THOP1: variants seen among roughly 807,000 people sequenced by gnomAD.
THOP1 encodes the protein thimet oligopeptidase.
A neutral mutation model predicts 71.8 loss-of-function variants in THOP1; 49 were observed. That is an observed-to-expected ratio of 0.68 (90% CI 0.54 to 0.87). The LOEUF is 0.87. Ranked by LOEUF, THOP1 falls within the 40% of genes least tolerant of loss-of-function variation. The pLI is 0.00. For synonymous variants in THOP1, 426 were observed against 421.5 expected, an observed-to-expected ratio of 1.01 and a Z score of -0.13; for missense variants, 843 against 975.6, an observed-to-expected ratio of 0.86 and a Z score of 1.81.
In THOP1 at chr19:2,812,588, C is replaced by T. The variant is rs539533511; in HGVS notation, c.1909-527C>T. On this transcript the variant is annotated intron_variant, in intron 12 of 12. Coordinates refer to ENST00000307741, the MANE Select transcript of THOP1 (RefSeq NM_003249.5). Reference sequence around the variant, plus strand: ...CGGGGGCTGTAGAGGTGGAGTCCCCCGGGTGGGAGCTGGGACTGTGGCTCC... The same window carrying T: ...CGGGGGCTGTAGAGGTGGAGTCCCCTGGGTGGGAGCTGGGACTGTGGCTCC... 1.2e-4 allele frequency among the ~76,000 whole-genome samples: 19 copies of T among 152,282 alleles called. No homozygotes were observed. In the South Asian group the frequency reaches 2.5e-3, roughly 20 times the overall value.
At position 2,813,172 on chromosome 19, in the gene THOP1, G is replaced by A. The variant is rs764085394; in HGVS notation, c.1966G>A (p.Ala656Thr). 1.3e-5 allele frequency: 21 copies of A among 1,612,144 alleles called. No homozygotes were observed. The highest frequency in any genetic ancestry group is 1.6e-4 in the Middle Eastern group (1 of 6,076). The change falls in exon 13 of 13, where the codon GCC becomes ACC. Residue 656 changes from alanine to threonine, a missense_variant. Physicochemically the swap from Ala to Thr is moderately conservative, Grantham distance 58. Transcript: ENST00000307741. ...ACCCGGCGGTTCCGAGGATGCCAGCGCCATGCTGAGGCGCTTCCTGGGCCG... is the reference window on the plus strand; with the variant it reads ...ACCCGGCGGTTCCGAGGATGCCAGCACCATGCTGAGGCGCTTCCTGGGCCG... ...LRPGGSEDAS[A>T]MLRRFLGRDP... is the part of the protein sequence containing the mutation.
rs1204177071 is a variant in THOP1 at position 2,785,527 on chromosome 19, C to T, written c.-136C>T. 8.1e-6 allele frequency: 8 copies of T among 993,264 alleles called. No individual in the cohort carries two copies. Among genetic ancestry groups the T allele is most frequent in the African/African-American group, 5.1e-5 (3 of 58,644 alleles). The allele number at this position is 993,264 out of a possible 1,614,324, so 61.5% of individuals were successfully genotyped here. On this transcript the variant is annotated 5_prime_UTR_variant, in exon 1 of 13. Transcript: ENST00000307741. ...CAGCATGCCCCGGGAGCGCGGGCGG[C>T]GGGCCCCTTGGTCCTCAGGCGGCCG... is the stretch of plus-strand genomic sequence containing the variant.
Position 2,805,272 on chromosome 19 carries a change from T to G in THOP1, c.750+96T>G. Reference sequence around the variant, plus strand: ...TGTGAGGCACCTCCAGGCTTTGCACTTGGATGGCCTCCCAATCTCCCTGGC... The same window carrying G: ...TGTGAGGCACCTCCAGGCTTTGCACGTGGATGGCCTCCCAATCTCCCTGGC... On this transcript the variant is annotated intron_variant, in intron 6 of 12. Transcript: ENST00000307741. This position sits in a 1 kb window ranked among gnomAD's most constrained non-coding sequence, Gnocchi z 6.6. 2.9e-6 allele frequency: 4 copies of G among 1,387,386 alleles called. No individual in the cohort carries two copies. Among genetic ancestry groups the G allele is most frequent in the Non-Finnish European group, 3.8e-6 (4 of 1,040,302 alleles). 85.9% of individuals were successfully genotyped at this position (1,387,386 alleles called of 1,614,324 possible).
At chr19:2,791,262 A>C (rs913448278) in intron 2 of THOP1, among the ~76,000 whole-genome samples, 1 of 152,208 alleles carries the variant, frequency 6.6e-6, no homozygotes, top group Non-Finnish European at 1.5e-5. Context: ...TAAGGCTGAC[A>C]GTGTACCTGC....
Position 2,808,452 on chromosome 19 carries a change from C to T in THOP1, c.1455+8C>T, listed in dbSNP as rs775921706. ...CACCAGCTCTGCTCCCAGGTGGGTG[C>T]GGGCCCGGGCAGGGGCAGGGGCAGG... On this transcript the variant is annotated splice_region_variant and intron_variant, in intron 9 of 12. Coordinates refer to ENST00000307741, the MANE Select transcript of THOP1 (RefSeq NM_003249.5). The T allele has an allele frequency of 1.3e-5, 21 of 1,587,796 alleles. No individual in the cohort carries two copies. Among genetic ancestry groups the T allele is most frequent in the Admixed American group, 3.4e-5 (2 of 58,440 alleles).
intron 5 of THOP1, among the ~76,000 whole-genome samples, chr19:2,803,486 T>A (rs568111743): frequency 2.6e-5 from 4 of 152,266 alleles, no homozygotes; most frequent in African/African-American, 9.6e-5. Flanking sequence ...TCTAAAAAAA[T>A]AAAAACTTCC....
rs768663856 is a variant in THOP1 at position 2,807,523 on chromosome 19, G to A, written c.968G>A (p.Arg323His). 1.2e-5 allele frequency: 20 copies of A among 1,611,976 alleles called. No individual in the cohort carries two copies. The highest frequency in any genetic ancestry group is 4.0e-5 in the African/African-American group (3 of 74,926). The part of the protein sequence containing the change: ...ILELKRAECE[R>H]RGLPFDGRIR... ...GAGCTGAAGCGTGCGGAGTGCGAGC[G>A]CCGGGGCCTGCCCTTCGACGGCCGC... is the stretch of plus-strand genomic sequence containing the variant. Residue 323 changes from arginine (R) to histidine (H), a missense_variant, in exon 8 of 13, where the codon CGC becomes CAC. Coordinates refer to ENST00000307741, the MANE Select transcript of THOP1 (RefSeq NM_003249.5).
intron 4 of THOP1, among the ~76,000 whole-genome samples, chr19:2,796,605 C>T (rs927305945): frequency 1.4e-5 from 2 of 147,394 alleles, no homozygotes; most frequent in African/African-American, 5.0e-5. Flanking sequence ...ATGGGGAGTA[C>T]TGGGCACGGG....
chr19:2,796,674 G>A (rs1302802195), intron 4 of THOP1, among the ~76,000 whole-genome samples: 3 of 151,890 alleles, frequency 2.0e-5, no homozygotes, highest in Non-Finnish European at 4.4e-5. Flanking sequence ...GGGAGTACTG[G>A]GTGCGGGGAG....
chr19:2,796,898 C>T lies in THOP1; in HGVS notation c.486+710C>T, dbSNP rs542405948. 3.9e-5 allele frequency among the ~76,000 whole-genome samples: 6 copies of T among 152,322 alleles called. No homozygotes were observed. In the South Asian group the frequency reaches 1.2e-3, roughly 32 times the overall value. On this transcript the variant is annotated intron_variant, in intron 4 of 12. Transcript: ENST00000307741. ...TGCCCGGTGTGCCTGATGTGGGCGT[C>T]TCAGGGGTGACATGAGTTAGTTGGT... is the stretch of plus-strand genomic sequence containing the variant.
intron 2 of THOP1, among the ~76,000 whole-genome samples, chr19:2,793,924 G>A (rs1394670967): frequency 6.6e-6 from 1 of 152,002 alleles, no homozygotes; most frequent in Non-Finnish European, 1.5e-5. Context: ...GCAGATTCCT[G>A]TGTGGATGTG....
At chr19:2,802,339 C>T (rs1298351960) in intron 5 of THOP1, among the ~76,000 whole-genome samples, 1 of 143,800 alleles carries the variant, frequency 7.0e-6, no homozygotes, top group Admixed American at 6.8e-5. Flanking sequence ...CCCCACCTCC[C>T]GACACCAACA....
chr19:2,807,053 G>A lies in THOP1; in HGVS notation c.886+1G>A. 6.2e-7 allele frequency: 1 copy of A among 1,606,970 alleles called. No homozygotes were observed. The highest frequency in any genetic ancestry group is 2.2e-5 in the East Asian group (1 of 44,784). ...AGCCAGACCGTGGCCACCTTCCTAG[G>A]TAGCCCTTCCTTCCTCCTCCACTGG... On this transcript the variant is annotated splice_donor_variant, in intron 7 of 12. Transcript: ENST00000307741. LOFTEE classifies it high-confidence loss of function.
intron 4 of THOP1, 93 bp downstream of exon 4, chr19:2,796,281 G>A: frequency 2.0e-6 from 2 of 1,023,090 alleles, no homozygotes; most frequent in Non-Finnish European, 2.9e-6. Flanking sequence ...GGGAGTGGTG[G>A]GAGCAAGAAG....
chr19:2,810,912 CGGG>C, intron 11 of THOP1, 144 bp downstream of exon 11: 1 of 1,324,194 alleles, frequency 7.6e-7, no homozygotes. Flanking sequence ...CCAGGCTCCT[CGGG>C]GGACAGCCCC....
intron 5 of THOP1, among the ~76,000 whole-genome samples, chr19:2,802,693 A>G (rs895444259): frequency 3.9e-5 from 6 of 152,204 alleles, no homozygotes; most frequent in African/African-American, 1.4e-4. Context: ...GTGAGTGTCC[A>G]TCACTCGCAC....
chr19:2,805,254 C>G lies in THOP1; in HGVS notation c.750+78C>G. On this transcript the variant is annotated intron_variant, in intron 6 of 12. Transcript: ENST00000307741. The surrounding 1 kb of genome is among the most constrained non-coding windows in gnomAD (Gnocchi z 6.6). ...GCCCGTCTGCTCCATGTGTGTGAGG[C>G]ACCTCCAGGCTTTGCACTTGGATGG... 6.8e-7 allele frequency: 1 copy of G among 1,466,142 alleles called. No homozygotes were observed. The allele number at this position is 1,466,142 out of a possible 1,614,324, so 90.8% of individuals were successfully genotyped here.
chr19:2,806,908 CG>C lies in THOP1; in HGVS notation c.751-7del. ...CCCCTGGGTGACAGTGTGGTGGTGT[CG>C]GTTGCAGGAGAACTGCGCTATCCTC... On this transcript the variant is annotated splice_polypyrimidine_tract_variant and splice_region_variant and intron_variant, in intron 6 of 12. Coordinates refer to ENST00000307741, the MANE Select transcript of THOP1 (RefSeq NM_003249.5). 1 of 1,612,730 alleles carries C rather than the reference CG, an allele frequency of 6.2e-7. No homozygotes were observed. The highest frequency in any genetic ancestry group is 2.2e-5 in the East Asian group (1 of 44,856).
chr19:2,812,117 G>C, intron 12 of THOP1: 1 of 1,392,852 alleles, frequency 7.2e-7, no homozygotes, highest in Non-Finnish European at 9.4e-7. Context: ...CTGCGTGATC[G>C]GCCTCAGAGC....
Sources: gnomAD v4.1 joint callset for allele counts (sites outside exome capture counted in the v4.1 genomes callset) on GRCh38, gnomAD v4.1.1 for gene constraint, Gnocchi (gnomAD v3.1) non-coding constraint, MANE v1.5 for transcripts, NCBI Gene and HGNC (gene_info 2026-07-23, HGNC 2026-07-21) for gene names.